FBP2: variants seen among roughly 807,000 people sequenced by gnomAD.
The protein encoded by FBP2 is fructose-bisphosphatase 2.
Under a neutral mutation model 31.6 loss-of-function variants are expected in FBP2, and 27 were observed. The observed-to-expected ratio is 0.85, with a 90% confidence interval of 0.63 to 1.18. The LOEUF (loss-of-function observed/expected upper bound fraction) is 1.18. FBP2 is among the 50% of genes most tolerant of loss of function. FBP2 has a pLI of 0.00. For synonymous variants in FBP2, 168 were observed against 179.8 expected (o/e 0.93, Z 0.53); for missense variants, 421 against 436.1 (o/e 0.97, Z 0.31).
intron 1 of FBP2, among the ~76,000 whole-genome samples, chr9:94,589,941 G>C (rs966687885): frequency 6.6e-6 from 1 of 152,162 alleles, no homozygotes; most frequent in Non-Finnish European, 1.5e-5. Flanking sequence ...GCCTTGGTTC[G>C]ATATGGAATC....
chr9:94,588,271 T>G (rs1827450834), intron 1 of FBP2, among the ~76,000 whole-genome samples: 1 of 152,184 alleles, frequency 6.6e-6, no homozygotes, highest in Non-Finnish European at 1.5e-5. Flanking sequence ...GGGGGCAGAC[T>G]TATTTCATTT....
At chr9:94,575,379 C>T (rs985854924) in intron 3 of FBP2, among the ~76,000 whole-genome samples, 1 of 152,170 alleles carries the variant, frequency 6.6e-6, no homozygotes, top group African/African-American at 2.4e-5. Context: ...AATGAAATGA[C>T]ACTGCATATG....
intron 1 of FBP2, among the ~76,000 whole-genome samples, chr9:94,591,295 A>C (rs369486136): frequency 2.6e-5 from 4 of 152,200 alleles, no homozygotes; most frequent in Admixed American, 2.0e-4. Flanking sequence ...CCCCGCGGGA[A>C]GGCACCTAAG....
At position 94,593,663 on chromosome 9, in the gene FBP2, C is replaced by T; in HGVS notation, c.64G>A (p.Gly22Arg). The T allele has an allele frequency of 6.2e-7, 1 of 1,614,226 alleles. No individual in the cohort carries two copies. Among genetic ancestry groups the T allele is most frequent in the Non-Finnish European group, 8.5e-7 (1 of 1,180,038 alleles). Residue 22 changes from glycine to arginine, a missense_variant, in exon 1 of 7, where the codon GGG becomes AGG. Gly to Arg is a moderately radical substitution (Grantham distance 125). Coordinates refer to ENST00000375337, the MANE Select transcript of FBP2 (RefSeq NM_003837.4). ...LTLTRYVMEK[G>R]RQAKGTGELT... ...TCCCCAGTCCCTTTGGCCTGACGCC[C>T]CTTTTCCATAACGTAGCGGGTCAGG...
intron 1 of FBP2, 48 bp from the exon 2 acceptor site, chr9:94,587,517 T>G: frequency 6.3e-7 from 1 of 1,581,254 alleles, no homozygotes; most frequent in Non-Finnish European, 8.7e-7. Flanking sequence ...GGGTCTTAAC[T>G]CCAGCAAAGA....
At chr9:94,582,314 A>C (rs1210982156) in intron 3 of FBP2, among the ~76,000 whole-genome samples, 1 of 151,968 alleles carries the variant, frequency 6.6e-6, no homozygotes, top group Non-Finnish European at 1.5e-5. Flanking sequence ...AAATATTCAT[A>C]GCTCCTCCTA....
rs139182073 is a variant in FBP2, at chr9:94,592,637, C to T, written c.170+920G>A. ...GCAACCTCCATCTCCCAGGTTCAAG[C>T]GATTCTCCTGCCTCAGCCTCCCGAG... On this transcript the variant is annotated intron_variant, in intron 1 of 6. Transcript: ENST00000375337. Among the ~76,000 whole-genome samples the T allele has an allele frequency of 4.7e-3, 719 of 152,308 alleles. 5 individuals are homozygous for T. Among genetic ancestry groups the T allele is most frequent in the African/African-American group, 0.016 (664 of 41,564 alleles).
chr9:94,592,715 A>C (rs1425748522), intron 1 of FBP2, among the ~76,000 whole-genome samples: 3 of 152,206 alleles, frequency 2.0e-5, no homozygotes, highest in Non-Finnish European at 4.4e-5. Flanking sequence ...TTGTATTTTT[A>C]GTAGAGACAG....
At position 94,558,983 on chromosome 9, in the gene FBP2, C is replaced by T. The variant is rs1827051322; in HGVS notation, c.975G>A (p.Val325=). 1 of 1,614,024 alleles carries T rather than the reference C, an allele frequency of 6.2e-7. No individual in the cohort carries two copies. Among genetic ancestry groups the T allele is most frequent in the African/African-American group, 1.3e-5 (1 of 74,898 alleles). ...VPLILGSPED[V]QEYLTCVQKN... ...TCTGCACACAGGTGAGATATTCCTG[C>T]ACATCCTCTGGTGACCCCAGAATGA... Residue 325 remains valine (V), a synonymous_variant, in exon 7 of 7, where the codon GTG becomes GTA. Coordinates refer to ENST00000375337, the MANE Select transcript of FBP2 (RefSeq NM_003837.4).
At chr9:94,564,190 TCA>T (rs1000358440) in intron 5 of FBP2, among the ~76,000 whole-genome samples, 1 of 152,178 alleles carries the variant, frequency 6.6e-6, no homozygotes, top group South Asian at 2.1e-4. Flanking sequence ...ATTCTTCTCA[TCA>T]CACACAGCAC....
chr9:94,573,229 G>A (rs774242821), intron 3 of FBP2, among the ~76,000 whole-genome samples: 3 of 151,940 alleles, frequency 2.0e-5, no homozygotes, highest in South Asian at 2.1e-4. Flanking sequence ...TAGAGTTAAG[G>A]GACGCTCCTC....
At chr9:94,565,205 C>T (rs551671820) in intron 5 of FBP2, among the ~76,000 whole-genome samples, 3 of 152,028 alleles carry the variant, frequency 2.0e-5, no homozygotes, top group African/African-American at 7.2e-5. Context: ...GAAATCCCAT[C>T]TCTACTAAAA....
chr9:94,590,531 G>C (rs1827484031), intron 1 of FBP2, among the ~76,000 whole-genome samples: 1 of 152,204 alleles, frequency 6.6e-6, no homozygotes, highest in Non-Finnish European at 1.5e-5. Context: ...CCCTCGCGGT[G>C]AGTGTTACAG....
chr9:94,567,065 A>G (rs1047744932), intron 5 of FBP2, among the ~76,000 whole-genome samples: 3 of 152,204 alleles, frequency 2.0e-5, no homozygotes, highest in African/African-American at 4.8e-5. Context: ...AAATGTAAAG[A>G]TAAGTACTAC....
In FBP2 at chr9:94,593,564, C is replaced by T. The variant is rs774799689; in HGVS notation, c.163G>A (p.Ala55Thr). The change falls in exon 1 of 7, where the codon GCC becomes ACC. Residue 55 changes from alanine to threonine, a missense_variant. Physicochemically the swap from Ala to Thr is moderately conservative, Grantham distance 58 (BLOSUM62 0). Coordinates refer to ENST00000375337, the MANE Select transcript of FBP2 (RefSeq NM_003837.4). Reference protein sequence around the residue: ...ISSAVRKAGLAHLYGIAGSVN... With the variant: ...ISSAVRKAGLTHLYGIAGSVN... Reference sequence around the variant, plus strand: ...CTGCTCCCCAGGACTCACAGGTGGGCCAGACCGGCCTTGCGCACAGCCGAG... The same window carrying T: ...CTGCTCCCCAGGACTCACAGGTGGGTCAGACCGGCCTTGCGCACAGCCGAG... 11 of 1,612,914 alleles carry T rather than the reference C, an allele frequency of 6.8e-6. No homozygotes were observed. The highest frequency in any genetic ancestry group is 7.6e-6 in the Non-Finnish European group (9 of 1,179,636).
chr9:94,593,617 G>A lies in FBP2; in HGVS notation c.110C>T (p.Ser37Leu). The change falls in exon 1 of 7, where the codon TCA becomes TTA. Residue 37 changes from serine (S) to leucine (L), a missense_variant. Ser to Leu is a moderately radical substitution (Grantham distance 145). Coordinates refer to ENST00000375337, the MANE Select transcript of FBP2 (RefSeq NM_003837.4). ...GATGGCTTTGATGGCCGTCAGCATTGAGTTCAGCAGCTGGGTGAGCTCCCC... is the reference window on the plus strand; with the variant it reads ...GATGGCTTTGATGGCCGTCAGCATTAAGTTCAGCAGCTGGGTGAGCTCCCC... Reference protein sequence around the residue: ...GTGELTQLLNSMLTAIKAISS... With the variant: ...GTGELTQLLNLMLTAIKAISS... 1 of 1,614,218 alleles carries A rather than the reference G, an allele frequency of 6.2e-7. No homozygotes were observed. The highest frequency in any genetic ancestry group is 1.3e-5 in the African/African-American group (1 of 75,064).
intron 1 of FBP2, among the ~76,000 whole-genome samples, chr9:94,590,829 G>A (rs556669122): frequency 2.0e-4 from 30 of 152,178 alleles, no homozygotes; most frequent in Non-Finnish European, 3.5e-4. Flanking sequence ...TTGTCAGGGC[G>A]CTGATTGGTG....
At chr9:94,586,606 G>A (rs1827430534) in intron 2 of FBP2, 1 of 152,244 alleles carries the variant, frequency 6.6e-6, no homozygotes, top group Admixed American at 6.5e-5. Flanking sequence ...GCATAGAGCA[G>A]AGGTTAAATA....
chr9:94,572,965 T>C (rs1827284406), intron 3 of FBP2: 3 of 152,110 alleles, frequency 2.0e-5, no homozygotes, highest in Admixed American at 2.0e-4. Context: ...AGTGTTTTGG[T>C]TTTCTGTTTG....
Sources: allele counts gnomAD v4.1 joint callset (sites outside exome capture counted in the v4.1 genomes callset), GRCh38; gene constraint gnomAD v4.1.1; transcripts MANE v1.5; gene names NCBI Gene and HGNC (gene_info 2026-07-23, HGNC 2026-07-21).